PLD5: variants seen among roughly 807,000 people sequenced by gnomAD.
PLD5 encodes phospholipase D family member 5.
In PLD5, 36 loss-of-function variants were observed where a neutral mutation model predicts 61.1. The observed-to-expected ratio is 0.59, with a 90% CI of 0.45 to 0.78. PLD5 has a LOEUF of 0.78. PLD5 is among the 30% of genes least tolerant of loss of function. The pLI is 0.00. For synonymous variants in PLD5, 243 were observed against 242.8 expected, an observed-to-expected ratio of 1.00 and a Z score of -0.01; for missense variants, 515 against 644.4, an observed-to-expected ratio of 0.80 and a Z score of 2.17.
intron 5 of PLD5, among the ~76,000 whole-genome samples, chr1:242,176,966 C>T (rs948380263): frequency 3.9e-5 from 6 of 152,180 alleles, no homozygotes; most frequent in African/African-American, 1.4e-4. Context: ...AAAGCTTGCA[C>T]ACTGTTGGTG....
At chr1:242,215,065 T>C (rs1670076792) in intron 5 of PLD5, among the ~76,000 whole-genome samples, 1 of 149,716 alleles carries the variant, frequency 6.7e-6, no homozygotes, top group Admixed American at 6.7e-5. Flanking sequence ...TTTTTTTGTA[T>C]TTTTAGTAGA....
intron 1 of PLD5, among the ~76,000 whole-genome samples, chr1:242,451,626 A>AT (rs796645824): frequency 4.6e-5 from 7 of 151,524 alleles, no homozygotes; most frequent in African/African-American, 1.7e-4. Flanking sequence ...TGCCTGGCTA[A>AT]TTTTTTGTAT....
intron 2 of PLD5, among the ~76,000 whole-genome samples, chr1:242,324,463 T>C (rs1025278659): frequency 1.3e-5 from 2 of 152,220 alleles, no homozygotes; most frequent in East Asian, 3.9e-4. Flanking sequence ...CCTAACCGAC[T>C]CTATCTTGCT....
chr1:242,181,009 C>CAAAA, intron 5 of PLD5, among the ~76,000 whole-genome samples: 1 of 151,800 alleles, frequency 6.6e-6, no homozygotes, highest in African/African-American at 2.4e-5. Flanking sequence ...AACAAACAAA[C>CAAAA]AAAAAAACAC....
intron 2 of PLD5, among the ~76,000 whole-genome samples, chr1:242,292,808 C>T (rs1287203419): frequency 6.6e-6 from 1 of 152,164 alleles, no homozygotes; most frequent in African/African-American, 2.4e-5. Flanking sequence ...GTGACCGGAT[C>T]TTGTCATTTT....
intron 5 of PLD5, 119 bp downstream of exon 5, chr1:242,219,869 A>G: frequency 8.2e-7 from 1 of 1,214,386 alleles, no homozygotes. Context: ...TCTTAAAACT[A>G]CAGTTAAGAA....
At chr1:242,449,485 C>T (rs1488342719) in intron 1 of PLD5, 11 of 1,526,472 alleles carry the variant, frequency 7.2e-6, no homozygotes, top group East Asian at 2.5e-5. Context: ...GTATCACCAC[C>T]GATTACATTT....
chr1:242,212,627 G>T (rs1374037672), intron 5 of PLD5, among the ~76,000 whole-genome samples: 1 of 151,754 alleles, frequency 6.6e-6, no homozygotes, highest in Non-Finnish European at 1.5e-5. Context: ...GTGGAGGAAG[G>T]AGCAGTACAG....
Position 242,132,206 on chromosome 1 carries a change from G to C in PLD5, c.736-7541C>G, listed in dbSNP as rs796115650. Among the ~76,000 whole-genome samples the C allele has an allele frequency of 2.8e-3, 240 of 87,028 alleles. 35 individuals carry two copies. Among genetic ancestry groups the C allele is most frequent in the African/African-American group, 0.012 (217 of 17,584 alleles). The allele number at this position is 87,028 out of a possible 152,430, so 57.1% of individuals were successfully genotyped here. ...TGCAGTGATTGCGGGGGGGGGGGGG[G>C]GCGGAATCATTTTTAGCTAGGTCAT... On this transcript the variant is annotated intron_variant, in intron 5 of 9. Transcript: ENST00000536534.
chr1:242,284,180 C>T (rs1269989032), intron 3 of PLD5, among the ~76,000 whole-genome samples: 6 of 125,444 alleles, frequency 4.8e-5, no homozygotes, highest in African/African-American at 1.9e-4. Flanking sequence ...CTCTGTCCCC[C>T]AGGCTGGAGT....
intron 4 of PLD5, 93 bp from the exon 5 acceptor site, chr1:242,220,208 T>C (rs7547029): frequency 0.3 from 437,168 of 1,479,742 alleles, 67,674 homozygotes; most frequent in East Asian, 0.54. Context: ...TGGTTCACCA[T>C]TTGTCCCAAT....
At chr1:242,190,826 G>A (rs1389175663) in intron 5 of PLD5, among the ~76,000 whole-genome samples, 2 of 152,132 alleles carry the variant, frequency 1.3e-5, no homozygotes, top group Admixed American at 6.6e-5. Context: ...GAAGTTAAAC[G>A]TCAATTGTGT....
chr1:242,252,977 C>T (rs1456880975), intron 4 of PLD5, among the ~76,000 whole-genome samples: 5 of 151,698 alleles, frequency 3.3e-5, no homozygotes, highest in Non-Finnish European at 5.9e-5. Context: ...CCACCAAGCC[C>T]GGCTAATTTT....
chr1:242,167,992 A>C (rs1666450939), intron 5 of PLD5, among the ~76,000 whole-genome samples: 1 of 152,216 alleles, frequency 6.6e-6, no homozygotes, highest in Non-Finnish European at 1.5e-5. Flanking sequence ...TATTTTCAAA[A>C]TGCACATGCT....
intron 8 of PLD5, among the ~76,000 whole-genome samples, chr1:242,101,987 C>T (rs972783710): frequency 2.0e-5 from 3 of 152,188 alleles, no homozygotes; most frequent in Admixed American, 2.0e-4. Context: ...GACAATGATA[C>T]CTGGTTCACC....
At chr1:242,347,123 G>A (rs1475715218) in intron 2 of PLD5, among the ~76,000 whole-genome samples, 2 of 152,056 alleles carry the variant, frequency 1.3e-5, no homozygotes. Flanking sequence ...TAGACTATAA[G>A]GTACCATGGG....
intron 5 of PLD5, among the ~76,000 whole-genome samples, chr1:242,197,633 CT>C (rs111450387): frequency 0.014 from 1,471 of 105,350 alleles, 15 homozygotes; most frequent in African/African-American, 0.023. Context: ...TAATTGCACA[CT>C]TTTTTTTTTT....
chr1:242,189,104 T>C (rs1479395815), intron 5 of PLD5, among the ~76,000 whole-genome samples: 3 of 152,166 alleles, frequency 2.0e-5, no homozygotes, highest in Non-Finnish European at 4.4e-5. Flanking sequence ...TGGTTTGACA[T>C]AGTCTGTGGT....
chr1:242,313,597 T>C (rs1676833331), intron 2 of PLD5, among the ~76,000 whole-genome samples: 1 of 152,176 alleles, frequency 6.6e-6, no homozygotes, highest in African/African-American at 2.4e-5. Context: ...TAAAGGCACC[T>C]TTTTCTCTCT....
Sources: gnomAD v4.1 joint callset for allele counts (sites outside exome capture counted in the v4.1 genomes callset) on GRCh38, gnomAD v4.1.1 for gene constraint, MANE v1.5 for transcripts, NCBI Gene and HGNC (gene_info 2026-07-23, HGNC 2026-07-21) for gene names.